NEMP1: variants seen among roughly 807,000 people sequenced by gnomAD.
The protein encoded by NEMP1 is transmembrane protein 194.
A neutral mutation model predicts 53.7 loss-of-function variants in NEMP1; 29 were observed. That is an observed-to-expected ratio of 0.54 (90% CI 0.40 to 0.74). The LOEUF is 0.74. NEMP1 is among the 30% of genes least tolerant of loss of function. The pLI is 0.00. For synonymous variants in NEMP1, 193 were observed against 192.9 expected, an observed-to-expected ratio of 1.00 and a Z score of 0.00; for missense variants, 477 against 528.6, an observed-to-expected ratio of 0.90 and a Z score of 0.96.
chr12:57,083,640 T>C (rs904032597), upstream of NEMP1, among the ~76,000 whole-genome samples: 1 of 152,272 alleles, frequency 6.6e-6, no homozygotes, highest in Non-Finnish European at 1.5e-5. Flanking sequence ...ATGACACATA[T>C]GACTTCATAC....
At chr12:57,073,728 C>T (rs1198441364) in intron 1 of NEMP1, among the ~76,000 whole-genome samples, 1 of 152,176 alleles carries the variant, frequency 6.6e-6, no homozygotes, top group Non-Finnish European at 1.5e-5. Context: ...GAGGTAAGCA[C>T]TCTCATAATC....
chr12:57,080,530 G>A (rs1198797101), upstream of NEMP1, among the ~76,000 whole-genome samples: 1 of 148,890 alleles, frequency 6.7e-6, no homozygotes, highest in African/African-American at 2.5e-5. Flanking sequence ...AGTGAGCCAA[G>A]ATCGCCCCAT....
Position 57,069,270 on chromosome 12 carries a change from C to A in NEMP1, c.509G>T (p.Gly170Val), listed in dbSNP as rs1327203941. The A allele has an allele frequency of 6.5e-7, 1 of 1,546,340 alleles. No individual in the cohort carries two copies. Among genetic ancestry groups the A allele is most frequent in the Non-Finnish European group, 8.7e-7 (1 of 1,145,694 alleles). Residue 170 changes from glycine (G) to valine (V), a missense_variant, in exon 4 of 9, where the codon GGA (glycine) becomes GTA (valine). Gly to Val is a moderately radical substitution (Grantham distance 109). Transcript: ENST00000300128. ...GTCTCCACAAAAAAATAGCATAAGT[C>A]CAAGAAGGAAAACAAGAAAGAGTTT... Reference protein sequence around the residue: ...DPKLFLVFLLGLMLFFCGDLL... With the variant: ...DPKLFLVFLLVLMLFFCGDLL...
At chr12:57,082,810 G>C (rs990187425), upstream of NEMP1, among the ~76,000 whole-genome samples, 1 of 146,340 alleles carries the variant, frequency 6.8e-6, no homozygotes, top group African/African-American at 2.5e-5. Context: ...CTAGGAGTTT[G>C]AGACCAGCCT....
chr12:57,061,616 C>G (rs904508237), intron 7 of NEMP1, among the ~76,000 whole-genome samples: 3 of 147,436 alleles, frequency 2.0e-5, no homozygotes, highest in Admixed American at 7.0e-5. Context: ...TCGCTTGAAC[C>G]AGGGAGGCGG....
At chr12:57,067,332 A>AG (rs1281772674) in intron 4 of NEMP1, among the ~76,000 whole-genome samples, 1 of 152,068 alleles carries the variant, frequency 6.6e-6, no homozygotes, top group East Asian at 1.9e-4. Flanking sequence ...TCAAAAAAAA[A>AG]AAAAAGAAAA....
chr12:57,078,766 T>C lies in NEMP1; in HGVS notation c.-21A>G. ...GCCATGGTTGCCTCAAGCCACCTCC[T>C]CCTCACGTGCCTTACCCCAGCAACT... On this transcript the variant is annotated 5_prime_UTR_variant, in exon 1 of 9. Transcript: ENST00000300128. The C allele has an allele frequency of 6.2e-7, 1 of 1,603,838 alleles. No homozygotes were observed. Among genetic ancestry groups the C allele is most frequent in the South Asian group, 1.1e-5 (1 of 89,972 alleles).
chr12:57,079,420 A>G (rs902049209), upstream of NEMP1, among the ~76,000 whole-genome samples: 2 of 152,218 alleles, frequency 1.3e-5, no homozygotes, highest in African/African-American at 2.4e-5. Flanking sequence ...TCCTCTTATC[A>G]TCTTGTGAGA....
At chr12:57,069,408 T>C in intron 3 of NEMP1, 102 bp from the exon 4 acceptor site, 1 of 724,552 alleles carries the variant, frequency 1.4e-6, no homozygotes, top group East Asian at 3.0e-5. Context: ...ACAGTAAAAA[T>C]AAATGCAAAC....
chr12:57,074,135 GT>G (rs377190460), intron 1 of NEMP1, among the ~76,000 whole-genome samples: 13,454 of 142,110 alleles, frequency 0.095, 626 homozygotes, highest in East Asian at 0.19. Flanking sequence ...CACCCAGCTA[GT>G]TTTTTTTTTT....
chr12:57,074,755 C>G (rs1034348062), intron 1 of NEMP1, among the ~76,000 whole-genome samples: 1 of 152,194 alleles, frequency 6.6e-6, no homozygotes, highest in Non-Finnish European at 1.5e-5. Flanking sequence ...ATTCTCCTCT[C>G]AATTTGTATT....
Position 57,064,152 on chromosome 12 carries a change from A to G in NEMP1, c.673T>C (p.Trp225Arg). 6.2e-7 allele frequency: 1 copy of G among 1,610,350 alleles called. No homozygotes were observed. The highest frequency in any genetic ancestry group is 8.5e-7 in the Non-Finnish European group (1 of 1,178,702). The change falls in exon 6 of 9, where the codon TGG becomes CGG. Residue 225 changes from tryptophan to arginine, a missense_variant. Physicochemically the swap from Trp to Arg is moderately radical, Grantham distance 101 (BLOSUM62 -3). Coordinates refer to ENST00000300128, the MANE Select transcript of NEMP1 (RefSeq NM_001130963.2). The stretch of plus-strand genomic sequence containing the variant: ...TGAATGAGGTACAGAGAAAAAGACC[A>G]GCCTCCCACCAGGATGACGTAAATG... ...SPIYVILVGG[W>R]SFSLYLIQLV...
intron 1 of NEMP1, among the ~76,000 whole-genome samples, chr12:57,073,893 A>G (rs1430209165): frequency 3.9e-5 from 6 of 152,214 alleles, no homozygotes; most frequent in Admixed American, 3.9e-4. Context: ...GGAATAAAGT[A>G]AGCTAAACTA....
At chr12:57,079,384 G>A (rs1274122701), upstream of NEMP1, among the ~76,000 whole-genome samples, 1 of 152,202 alleles carries the variant, frequency 6.6e-6, no homozygotes, top group Non-Finnish European at 1.5e-5. Context: ...TAAAATTAAT[G>A]TTAGGATTAA....
chr12:57,088,178 C>T (rs1175764134), upstream of NEMP1: 1 of 152,248 alleles, frequency 6.6e-6, no homozygotes, highest in African/African-American at 2.4e-5. Flanking sequence ...GCCTCATCCT[C>T]AGCAAACAGA....
chr12:57,056,136 C>T lies in NEMP1; in HGVS notation c.*3743G>A, dbSNP rs2031512352. The T allele has an allele frequency of 6.6e-6, 1 of 152,166 alleles. No homozygotes were observed. Among genetic ancestry groups the T allele is most frequent in the Non-Finnish European group, 1.5e-5 (1 of 68,018 alleles). The allele number at this position is 152,166 out of a possible 1,614,324, so 9.4% of individuals were successfully genotyped here. On this transcript the variant is annotated 3_prime_UTR_variant, in exon 9 of 9. Transcript: ENST00000300128. Reference sequence around the variant, plus strand: ...GGGAGTCTGTGACCACTCCCATCTGCCACTAAAGCTACGAGTTGGTGTTGG... The same window carrying T: ...GGGAGTCTGTGACCACTCCCATCTGTCACTAAAGCTACGAGTTGGTGTTGG...
chr12:57,062,436 C>T (rs1462631545), intron 7 of NEMP1, among the ~76,000 whole-genome samples: 1 of 151,488 alleles, frequency 6.6e-6, no homozygotes, highest in African/African-American at 2.4e-5. Context: ...GCCGAGATCA[C>T]GCCATTGTGC....
chr12:57,059,771 C>T lies in NEMP1; in HGVS notation c.*108G>A. ...GCCTCTTATTTCAGTAGGAGAATTT[C>T]TACCCTATCTATCTCACTCTGTTTC... is the stretch of plus-strand genomic sequence containing the variant. On this transcript the variant is annotated 3_prime_UTR_variant, in exon 9 of 9. Coordinates refer to ENST00000300128, the MANE Select transcript of NEMP1 (RefSeq NM_001130963.2). 9.8e-7 allele frequency: 1 copy of T among 1,021,230 alleles called. No homozygotes were observed. Among genetic ancestry groups the T allele is most frequent in the Non-Finnish European group, 1.4e-6 (1 of 713,756 alleles). 63.3% of individuals were successfully genotyped at this position (1,021,230 alleles called of 1,614,324 possible).
chr12:57,071,762 T>C (rs946993026), intron 2 of NEMP1, among the ~76,000 whole-genome samples: 2 of 151,744 alleles, frequency 1.3e-5, no homozygotes, highest in Non-Finnish European at 2.9e-5. Flanking sequence ...GAGGCAGAGG[T>C]TGCAGGGAGC....
Sources: allele counts gnomAD v4.1 joint callset (sites outside exome capture counted in the v4.1 genomes callset), GRCh38; gene constraint gnomAD v4.1.1; transcripts MANE v1.5; gene names NCBI Gene and HGNC (gene_info 2026-07-23, HGNC 2026-07-21).